Variants in SMOX observed in about 807,000 individuals in gnomAD.
SMOX encodes the protein flavin containing amine oxidase.
SMOX carries 22 observed loss-of-function variants against 51.0 expected under a neutral mutation model. The observed-to-expected ratio is 0.43, with a 90% confidence interval of 0.31 to 0.62. SMOX has a LOEUF of 0.62. Ranked by LOEUF, SMOX falls within the 20% of genes least tolerant of loss-of-function variation. The pLI is 0.10. For missense variants in SMOX, 566 were observed against 777.7 expected (o/e 0.73, Z 3.24); for synonymous variants, 282 against 307.8 (o/e 0.92, Z 0.88).
rs200004139 is a variant in SMOX, at chr20:4,175,083, A to G, written c.28A>G (p.Ser10Gly). 3 of 1,614,238 alleles carry G rather than the reference A, an allele frequency of 1.9e-6. No homozygotes were observed. In the African/African-American group the frequency reaches 4.0e-5, roughly 22 times the overall value. ...GCAAAGTTGTGAATCCAGTGGTGAC[A>G]GTGCGGATGACCCTCTCAGTCGCGG... The part of the protein sequence containing the change: MQSCESSGD[S>G]ADDPLSRGLR... The change falls in exon 2 of 7, where the codon AGT (serine) becomes GGT (glycine). Residue 10 changes from serine to glycine, a missense_variant. Ser to Gly is a moderately conservative substitution (Grantham distance 56). Around this residue, in one of 3 missense-constraint regions of SMOX, gnomAD observed 217 missense variants for 278.4 expected, o/e 0.78. Coordinates refer to ENST00000305958, the MANE Select transcript of SMOX (RefSeq NM_175839.3).
chr20:4,175,072 C>T lies in SMOX; in HGVS notation c.17C>T (p.Ser6Phe), dbSNP rs1978726815. The T allele has an allele frequency of 1.2e-6, 2 of 1,614,206 alleles. No homozygotes were observed. The highest frequency in any genetic ancestry group is 1.7e-6 in the Non-Finnish European group (2 of 1,180,044). Residue 6 changes from serine to phenylalanine, a missense_variant, in exon 2 of 7, where the codon TCC becomes TTC. Physicochemically the swap from Ser to Phe is radical, Grantham distance 155. This residue lies in a region of SMOX where 217 missense variants were observed against 278.4 expected (regional missense o/e 0.78). Transcript: ENST00000305958. ...GCGGACGGTATGCAAAGTTGTGAAT[C>T]CAGTGGTGACAGTGCGGATGACCCT... MQSCE[S>F]SGDSADDPLS... is the part of the protein sequence containing the mutation.
chr20:4,175,304 A>T (rs761712833), intron 2 of SMOX, 41 bp downstream of exon 2: 3 of 1,583,942 alleles, frequency 1.9e-6, no homozygotes, highest in Non-Finnish European at 2.6e-6. Context: ...TCCCCAGGTC[A>T]CCTTTAGTCT....
intron 1 of SMOX, among the ~76,000 whole-genome samples, chr20:4,168,944 T>TA (rs1236453861): frequency 1.4e-5 from 2 of 139,404 alleles, no homozygotes; most frequent in African/African-American, 3.0e-5. Context: ...TATTTTATTT[T>TA]ATTTTATGTT....
intron 1 of SMOX, among the ~76,000 whole-genome samples, chr20:4,151,318 C>T (rs1287138466): frequency 6.6e-6 from 1 of 152,190 alleles, no homozygotes; most frequent in East Asian, 1.9e-4. Context: ...TACACTTGCC[C>T]TTCTCTGATC....
intron 1 of SMOX, among the ~76,000 whole-genome samples, chr20:4,150,019 C>T (rs1985654476): frequency 6.6e-6 from 1 of 152,212 alleles, no homozygotes; most frequent in African/African-American, 2.4e-5. Flanking sequence ...GCTGGCCCTG[C>T]CTCCGCTTGG....
At position 4,182,244 on chromosome 20, in the gene SMOX, C is replaced by G; in HGVS notation, c.765C>G (p.Ile255Met). The change falls in exon 5 of 7, where the codon ATC becomes ATG. Residue 255 changes from isoleucine (I) to methionine (M), a missense_variant. Physicochemically the swap from Ile to Met is conservative, Grantham distance 10. Transcript: ENST00000305958. This position sits in a 1 kb window ranked among gnomAD's most constrained non-coding sequence, Gnocchi z 8.4. Reference sequence around the variant, plus strand: ...CGGAGGGCATCCCTGCCCACGTCATCCAGCTAGGGAAACCTGTCCGCTGCA... The same window carrying G: ...CGGAGGGCATCCCTGCCCACGTCATGCAGCTAGGGAAACCTGTCCGCTGCA... ...LLAEGIPAHVIQLGKPVRCIH... is the reference protein window; with the variant it reads ...LLAEGIPAHVMQLGKPVRCIH... The G allele has an allele frequency of 6.2e-7, 1 of 1,613,690 alleles. No individual in the cohort carries two copies. Among genetic ancestry groups the G allele is most frequent in the South Asian group, 1.1e-5 (1 of 91,068 alleles).
At chr20:4,159,804 A>G (rs562271920) in intron 1 of SMOX, among the ~76,000 whole-genome samples, 1 of 152,212 alleles carries the variant, frequency 6.6e-6, no homozygotes, top group Non-Finnish European at 1.5e-5. Context: ...CCCTGTGTGC[A>G]TTCTGAAATG....
rs909007093 is a variant in SMOX at position 4,167,928 on chromosome 20, T to C, written c.-26-7102T>C. ...CACAGAGCCCCTTTGTCTGGGCCGT[T>C]GTGCAAAGCAGCTGGTCTGGGATTT... On this transcript the variant is annotated intron_variant, in intron 1 of 6. Coordinates refer to ENST00000305958, the MANE Select transcript of SMOX (RefSeq NM_175839.3). The surrounding 1 kb of genome is among the most constrained non-coding windows in gnomAD (Gnocchi z 4.8). 3.3e-5 allele frequency among the ~76,000 whole-genome samples: 5 copies of C among 152,160 alleles called. No homozygotes were observed. Among genetic ancestry groups the C allele is most frequent in the Admixed American group, 6.5e-5 (1 of 15,290 alleles).
rs761590852 is a variant in SMOX at position 4,182,387 on chromosome 20, G to A, written c.908G>A (p.Gly303Asp). The A allele has an allele frequency of 4.4e-6, 7 of 1,598,784 alleles. No individual in the cohort carries two copies. In the East Asian group the frequency reaches 1.3e-4, roughly 31 times the overall value. Residue 303 changes from glycine to aspartate, a missense_variant, in exon 5 of 7, where the codon GGC becomes GAC. Physicochemically the swap from Gly to Asp is moderately conservative, Grantham distance 94 (BLOSUM62 -1). Around this residue, in one of 3 missense-constraint regions of SMOX, gnomAD observed 347 missense variants for 481.8 expected, o/e 0.72. Coordinates refer to ENST00000305958, the MANE Select transcript of SMOX (RefSeq NM_175839.3). This position sits in a 1 kb window ranked among gnomAD's most constrained non-coding sequence, Gnocchi z 8.4. ...CAGGGTGGAGAGGAGCCCCGGGGGG[G>A]CAGGTGGGATGAGGATGAGCAGTGG... ...GGQGGEEPRGGRWDEDEQWSV... is the reference protein window; with the variant it reads ...GGQGGEEPRGDRWDEDEQWSV...
At chr20:4,184,042 T>C (rs1620547) in intron 6 of SMOX, among the ~76,000 whole-genome samples, 107,770 of 151,520 alleles carry the variant, frequency 0.71, 38,649 homozygotes, top group African/African-American at 0.78. Context: ...TATAGTGGTG[T>C]GATCACAGCT....
chr20:4,173,733 A>C (rs987336565), intron 1 of SMOX, among the ~76,000 whole-genome samples: 1 of 152,240 alleles, frequency 6.6e-6, no homozygotes, highest in African/African-American at 2.4e-5. Context: ...TAGATTCTGC[A>C]ACTTTTGCCA....
chr20:4,162,398 G>T (rs1446873367), intron 1 of SMOX, among the ~76,000 whole-genome samples: 1 of 152,238 alleles, frequency 6.6e-6, no homozygotes, highest in East Asian at 1.9e-4. Context: ...GGAATCACAC[G>T]TTGAGAGATG....
Position 4,172,321 on chromosome 20 carries a change from G to A in SMOX, c.-26-2709G>A, listed in dbSNP as rs1162915474. On this transcript the variant is annotated intron_variant, in intron 1 of 6. Coordinates refer to ENST00000305958, the MANE Select transcript of SMOX (RefSeq NM_175839.3). This position sits in a 1 kb window ranked among gnomAD's most constrained non-coding sequence, Gnocchi z 7.7. ...CTCCGGAGCACGCCGCGTGTTTACC[G>A]ACCTGACGCAGCGTCCCGGCCCGGC... Among the ~76,000 whole-genome samples the A allele has an allele frequency of 6.6e-6, 1 of 152,218 alleles. No homozygotes were observed. Among genetic ancestry groups the A allele is most frequent in the South Asian group, 2.1e-4 (1 of 4,838 alleles).
intron 1 of SMOX, among the ~76,000 whole-genome samples, chr20:4,154,429 GCAGTGA>G: frequency 6.6e-6 from 1 of 151,328 alleles, no homozygotes; most frequent in South Asian, 2.1e-4. Context: ...AAGCTGGAGT[GCAGTGA>G]CAGGATCTCG....
intron 1 of SMOX, among the ~76,000 whole-genome samples, chr20:4,152,418 T>G (rs138093874): frequency 1.3e-5 from 2 of 151,962 alleles, no homozygotes; most frequent in African/African-American, 4.8e-5. Context: ...GAGGAGCCAG[T>G]TGAGTGTTAA....
Position 4,153,098 on chromosome 20 carries a change from G to A in SMOX, c.-27+4121G>A, listed in dbSNP as rs1051937223. Among the ~76,000 whole-genome samples the A allele has an allele frequency of 4.6e-5, 7 of 152,140 alleles. No homozygotes were observed. The highest frequency in any genetic ancestry group is 8.8e-5 in the Non-Finnish European group (6 of 68,018). Reference sequence around the variant, plus strand: ...GGGAAAGAAGGTAGAAGGGGTCCTCGCTTGGAGTGGGTGACCGAATTTTTC... The same window carrying A: ...GGGAAAGAAGGTAGAAGGGGTCCTCACTTGGAGTGGGTGACCGAATTTTTC... On this transcript the variant is annotated intron_variant, in intron 1 of 6. Coordinates refer to ENST00000305958, the MANE Select transcript of SMOX (RefSeq NM_175839.3). This position sits in a 1 kb window ranked among gnomAD's most constrained non-coding sequence, Gnocchi z 4.4.
At chr20:4,161,208 G>A (rs1986297672) in intron 1 of SMOX, among the ~76,000 whole-genome samples, 1 of 152,202 alleles carries the variant, frequency 6.6e-6, no homozygotes, top group Admixed American at 6.5e-5. Context: ...CCAGGCTGCA[G>A]AATGGGTGGA....
chr20:4,176,854 C>A (rs1188103512), intron 2 of SMOX, among the ~76,000 whole-genome samples: 1 of 152,182 alleles, frequency 6.6e-6, no homozygotes, highest in African/African-American at 2.4e-5. Flanking sequence ...TTGGGGGAAT[C>A]TTGCAAACTG....
At chr20:4,156,032 A>G (rs1386920075) in intron 1 of SMOX, among the ~76,000 whole-genome samples, 6 of 152,160 alleles carry the variant, frequency 3.9e-5, no homozygotes, top group Admixed American at 3.9e-4. Context: ...GGGAGGGGAT[A>G]ACATTTCTCA....
Sources: allele counts gnomAD v4.1 joint callset (sites outside exome capture counted in the v4.1 genomes callset), GRCh38; gene constraint gnomAD v4.1.1; regional missense constraint gnomAD v4.1.1; non-coding constraint Gnocchi (gnomAD v3.1); transcripts MANE v1.5; gene names NCBI Gene and HGNC (gene_info 2026-07-23, HGNC 2026-07-21).